Variants in SSPN observed in about 807,000 individuals in gnomAD.
SSPN encodes the protein sarcospan, also known as K-ras oncogene-associated protein.
In SSPN, 15 loss-of-function variants were observed where a neutral mutation model predicts 19.1. The observed-to-expected ratio is 0.78, with a 90% CI of 0.52 to 1.21. The LOEUF is 1.21. SSPN is among the 50% of genes most tolerant of loss of function. SSPN has a pLI of 0.00. For missense variants in SSPN, 291 were observed against 314.0 expected (o/e 0.93, Z 0.55); for synonymous variants, 147 against 140.3 (o/e 1.05, Z -0.34).
intron 1 of SSPN, among the ~76,000 whole-genome samples, chr12:26,133,662 A>G (rs1282177606): frequency 6.6e-6 from 1 of 152,234 alleles, no homozygotes; most frequent in Non-Finnish European, 1.5e-5. Flanking sequence ...GCTGCCTGCC[A>G]TGTGGAAGAG....
At chr12:26,228,592 T>C (rs1370733154) in intron 2 of SSPN, among the ~76,000 whole-genome samples, 1 of 152,020 alleles carries the variant, frequency 6.6e-6, no homozygotes, top group Non-Finnish European at 1.5e-5. Flanking sequence ...TATACCATTG[T>C]TCCCAGAGCA....
At chr12:26,172,911 T>C (rs556751946) in intron 1 of SSPN, among the ~76,000 whole-genome samples, 1 of 152,290 alleles carries the variant, frequency 6.6e-6, no homozygotes, top group East Asian at 1.9e-4. Flanking sequence ...CAATCTCCTA[T>C]GTTGATTAGC....
chr12:26,146,897 A>G (rs1295356821), intron 1 of SSPN, among the ~76,000 whole-genome samples: 2 of 151,710 alleles, frequency 1.3e-5, no homozygotes, highest in Non-Finnish European at 2.9e-5. Flanking sequence ...GATTGATTCA[A>G]CCAAAAAAGC....
chr12:26,133,568 A>G (rs1035516550), intron 1 of SSPN, among the ~76,000 whole-genome samples: 20 of 152,090 alleles, frequency 1.3e-4, no homozygotes, highest in African/African-American at 4.8e-4. Flanking sequence ...AAAGGCTGGG[A>G]TTATCAGTTT....
intron 2 of SSPN, among the ~76,000 whole-genome samples, chr12:26,229,336 A>G (rs1945207489): frequency 6.6e-6 from 1 of 152,204 alleles, no homozygotes; most frequent in Admixed American, 6.5e-5. Flanking sequence ...GGCAAACCAG[A>G]GATAAGCTTA....
Position 26,167,653 on chromosome 12 carries a change from C to A in SSPN, c.-31+45501C>A, listed in dbSNP as rs371792544. Among the ~76,000 whole-genome samples, 168 of 152,248 alleles carry A rather than the reference C, an allele frequency of 1.1e-3. 1 individual carries two copies. The highest frequency in any genetic ancestry group is 3.7e-3 in the African/African-American group (152 of 41,534). On this transcript the variant is annotated intron_variant, in intron 1 of 2. Transcript: ENST00000538142. ...CCGTCAGTTTACCATCTGCGTAGAC[C>A]GCAACTCTCTCTCTCTCTGAAGAGA...
intron 1 of SSPN, among the ~76,000 whole-genome samples, chr12:26,153,862 C>G (rs4963962): frequency 0.037 from 5,611 of 152,252 alleles, 138 homozygotes; most frequent in South Asian, 0.066. Context: ...AGAACTAGTA[C>G]CTTATGGTCC....
chr12:26,144,983 C>A (rs1159582543), intron 1 of SSPN, among the ~76,000 whole-genome samples: 1 of 152,226 alleles, frequency 6.6e-6, no homozygotes, highest in Non-Finnish European at 1.5e-5. Context: ...ACTCAGACTT[C>A]ACTGGCCAGA....
intron 1 of SSPN, among the ~76,000 whole-genome samples, chr12:26,153,398 G>A (rs567816819): frequency 2.6e-5 from 4 of 152,202 alleles, no homozygotes; most frequent in South Asian, 2.1e-4. Flanking sequence ...ACCTATCACT[G>A]TCTAAGAGTA....
chr12:26,177,389 G>A lies in SSPN; in HGVS notation c.-30-46904G>A, dbSNP rs138010144. ...AAATCTTGGACCCCTGGACACCTTC[G>A]TCTGCATCCCCAGTGCTTAGAGGTG... On this transcript the variant is annotated intron_variant, in intron 1 of 2. Coordinates refer to the SSPN transcript ENST00000538142. Among the ~76,000 whole-genome samples the A allele has an allele frequency of 2.0e-3, 297 of 152,204 alleles. 1 individual carries two copies. The highest frequency in any genetic ancestry group is 6.5e-3 in the African/African-American group (270 of 41,524).
At chr12:26,194,037 A>G (rs1337161092), upstream of SSPN, among the ~76,000 whole-genome samples, 2 of 152,244 alleles carry the variant, frequency 1.3e-5, no homozygotes, top group African/African-American at 2.4e-5. Context: ...CAAACAAGCT[A>G]GGAGTAGCCT....
chr12:26,224,220 A>G (rs1354948391), intron 1 of SSPN, 73 bp from the exon 2 acceptor site: 2 of 1,004,100 alleles, frequency 2.0e-6, no homozygotes, highest in African/African-American at 3.2e-5. Context: ...CTGCAGGAAG[A>G]TACTGAGACT....
chr12:26,145,705 C>T lies in SSPN; in HGVS notation c.-31+23553C>T, dbSNP rs144452435. ...AGTTCCGCTTATGAGGCAAGAATGG[C>T]GCCACCACCATGGCCTCAGATTGGG... is the stretch of plus-strand genomic sequence containing the variant. On this transcript the variant is annotated intron_variant, in intron 1 of 2. Transcript: ENST00000538142. Among the ~76,000 whole-genome samples the T allele has an allele frequency of 8.2e-3, 1,247 of 152,270 alleles. 9 individuals carry two copies. Among genetic ancestry groups the T allele is most frequent in the African/African-American group, 0.024 (1,014 of 41,540 alleles).
chr12:26,163,039 G>A (rs1369885759), intron 1 of SSPN, among the ~76,000 whole-genome samples: 1 of 132,634 alleles, frequency 7.5e-6, no homozygotes, highest in Non-Finnish European at 1.5e-5. Context: ...AGACGTGTGT[G>A]TGTGTGTGTG....
chr12:26,174,396 G>C (rs1381098217), intron 1 of SSPN, among the ~76,000 whole-genome samples: 1 of 151,910 alleles, frequency 6.6e-6, no homozygotes, highest in Non-Finnish European at 1.5e-5. Context: ...TGTAAAGTTT[G>C]GTAAGTTTTC....
chr12:26,140,579 G>A (rs761637689), intron 1 of SSPN, among the ~76,000 whole-genome samples: 5 of 152,172 alleles, frequency 3.3e-5, no homozygotes, highest in South Asian at 2.1e-4. Context: ...ACTGGATCAC[G>A]AGGGTGGATT....
intron 1 of SSPN, among the ~76,000 whole-genome samples, chr12:26,173,988 T>G (rs1257392256): frequency 6.6e-6 from 1 of 152,188 alleles, no homozygotes; most frequent in Non-Finnish European, 1.5e-5. Flanking sequence ...ATGAGATTTC[T>G]ATATTAAGTT....
At chr12:26,184,823 T>A (rs992827595) in intron 1 of SSPN, among the ~76,000 whole-genome samples, 2 of 152,172 alleles carry the variant, frequency 1.3e-5, no homozygotes, top group East Asian at 1.9e-4. Context: ...GGGTTTTTTT[T>A]ACATCATAAT....
chr12:26,122,126 C>A (rs539771904), exon 1 of SSPN: 3 of 1,548,940 alleles, frequency 1.9e-6, no homozygotes, highest in African/African-American at 2.7e-5. Context: ...CCGGGTTCCC[C>A]GGCTCGCGGG....
Sources: allele counts gnomAD v4.1 joint callset (sites outside exome capture counted in the v4.1 genomes callset), GRCh38; gene constraint gnomAD v4.1.1; transcripts MANE v1.5; gene names NCBI Gene and HGNC (gene_info 2026-07-23, HGNC 2026-07-21).